Variants in SLC22A24 observed in about 807,000 individuals in gnomAD.
The protein encoded by SLC22A24 is steroid transmembrane transporter SLC22A24.
In SLC22A24, 53 loss-of-function variants were observed where a neutral mutation model predicts 49.8. That is an observed-to-expected ratio of 1.06 (90% CI 0.85 to 1.34). The LOEUF (loss-of-function observed/expected upper bound fraction) is 1.34. Ranked by LOEUF, SLC22A24 falls within the 40% of genes most tolerant of loss-of-function variation. The pLI is 0.00. For missense variants in SLC22A24, 786 were observed against 675.9 expected (o/e 1.16, Z -1.81); for synonymous variants, 302 against 256.4 (o/e 1.18, Z -1.70).
chr11:63,138,335 C>T (rs561975634), intron 1 of SLC22A24, among the ~76,000 whole-genome samples: 37 of 152,244 alleles, frequency 2.4e-4, no homozygotes, highest in Admixed American at 9.8e-4. Context: ...GTTAAAGCTT[C>T]GCAAGCTTGA....
chr11:63,142,456 G>A (rs762149814), intron 1 of SLC22A24, among the ~76,000 whole-genome samples: 12 of 152,196 alleles, frequency 7.9e-5, no homozygotes, highest in Non-Finnish European at 1.8e-4. Context: ...CCTGGGCATA[G>A]GCTGAACTAA....
At chr11:63,106,577 C>T (rs1473165922) in intron 4 of SLC22A24, among the ~76,000 whole-genome samples, 1 of 152,146 alleles carries the variant, frequency 6.6e-6, no homozygotes, top group Non-Finnish European at 1.5e-5. Context: ...TCTCCACATC[C>T]TCTCCAGCAC....
At chr11:63,135,696 A>C (rs1042408050) in intron 1 of SLC22A24, among the ~76,000 whole-genome samples, 1 of 152,172 alleles carries the variant, frequency 6.6e-6, no homozygotes, top group Non-Finnish European at 1.5e-5. Context: ...ATTTTTGACT[A>C]TGGAAATGAT....
chr11:63,134,505 T>C (rs866707786), intron 2 of SLC22A24, among the ~76,000 whole-genome samples, 160 bp downstream of exon 2: 5 of 152,188 alleles, frequency 3.3e-5, no homozygotes, highest in South Asian at 2.1e-4. Flanking sequence ...CTAATTCAAA[T>C]AAGCATTCTT....
intron 5 of SLC22A24, among the ~76,000 whole-genome samples, chr11:63,096,733 A>C (rs1289293917): frequency 6.6e-6 from 1 of 152,142 alleles, no homozygotes; most frequent in Non-Finnish European, 1.5e-5. Flanking sequence ...AAAGTTGGGG[A>C]TGTGTTGGTG....
intron 6 of SLC22A24, among the ~76,000 whole-genome samples, chr11:63,090,076 G>C (rs1183001487): frequency 2.2e-5 from 1 of 45,784 alleles, no homozygotes; most frequent in Non-Finnish European, 3.7e-5. Context: ...ACGAGACTCT[G>C]TCTCAAAAAA....
At chr11:63,138,458 C>T (rs755623477) in intron 1 of SLC22A24, among the ~76,000 whole-genome samples, 5 of 151,794 alleles carry the variant, frequency 3.3e-5, no homozygotes, top group South Asian at 2.1e-4. Flanking sequence ...CTGGCTAACA[C>T]GGTGAAACCC....
chr11:63,080,895 A>C (rs10897341), intron 9 of SLC22A24, 25 bp downstream of exon 9: 1,531,964 of 1,542,352 alleles, frequency 0.99, 761,066 homozygotes, highest in Non-Finnish European at 1. Flanking sequence ...TCCCCACTCA[A>C]GTGACAGCTA....
At position 63,081,384 on chromosome 11, in the gene SLC22A24, C is replaced by A. The variant is rs553862774; in HGVS notation, c.1394+174G>T. On this transcript the variant is annotated intron_variant, in intron 8 of 9. Transcript: ENST00000612278. ...CATTAATTAACCTGTAGCAATAACC[C>A]GCAGCTTTGATAATTTGATAATAAT... 1.3e-5 allele frequency among the ~76,000 whole-genome samples: 2 copies of A among 152,062 alleles called. 1 individual carries two copies. Among genetic ancestry groups the A allele is most frequent in the Non-Finnish European group, 2.9e-5 (2 of 68,014 alleles).
chr11:63,127,064 G>T (rs1326924622), intron 2 of SLC22A24, among the ~76,000 whole-genome samples: 5 of 152,002 alleles, frequency 3.3e-5, no homozygotes, highest in Admixed American at 3.3e-4. Flanking sequence ...GTGCCATATT[G>T]GTTTGCTGCA....
intron 1 of SLC22A24, among the ~76,000 whole-genome samples, chr11:63,142,313 T>G (rs545193042): frequency 1.3e-5 from 2 of 152,222 alleles, no homozygotes; most frequent in South Asian, 4.2e-4. Flanking sequence ...GCCTACATCT[T>G]AAGATTAAGG....
chr11:63,080,136 G>T (rs907140005), intron 9 of SLC22A24, 136 bp from the exon 10 acceptor site: 2 of 597,192 alleles, frequency 3.3e-6, no homozygotes, highest in African/African-American at 1.8e-5. Context: ...AGATTCTCTA[G>T]ATATTGATAC....
intron 6 of SLC22A24, among the ~76,000 whole-genome samples, chr11:63,095,755 T>C (rs2087050364): frequency 6.6e-6 from 1 of 152,242 alleles, no homozygotes; most frequent in African/African-American, 2.4e-5. Context: ...TATCCAGTGA[T>C]AAACTTTGTG....
intron 2 of SLC22A24, among the ~76,000 whole-genome samples, chr11:63,122,915 G>T (rs2087262216): frequency 6.6e-6 from 1 of 152,154 alleles, no homozygotes; most frequent in Non-Finnish European, 1.5e-5. Flanking sequence ...TCAGAATGGG[G>T]TGATTAGCAT....
In SLC22A24 at chr11:63,083,391, G is replaced by A; in HGVS notation, c.1137C>T (p.Ser379=). ...LNLQHLGSNV[S]LFQILCGAVT... is the part of the protein sequence containing the mutation. ...CAGCTCCACAGAGAATCTGGAACAGGGAGACATTGCTCCCTAAGTGCTGCA... is the reference window on the plus strand; with the variant it reads ...CAGCTCCACAGAGAATCTGGAACAGAGAGACATTGCTCCCTAAGTGCTGCA... Residue 379 remains serine (S), a synonymous_variant, in exon 7 of 10, where the codon TCC becomes TCT. Transcript: ENST00000612278. 1 of 1,551,676 alleles carries A rather than the reference G, an allele frequency of 6.4e-7. No homozygotes were observed. Among genetic ancestry groups the A allele is most frequent in the African/African-American group, 1.4e-5 (1 of 73,162 alleles).
chr11:63,087,018 G>A (rs1590727998), intron 6 of SLC22A24, among the ~76,000 whole-genome samples: 1 of 36,160 alleles, frequency 2.8e-5, no homozygotes. Flanking sequence ...TTTCTGCCTG[G>A]AGGGCGCACA....
chr11:63,108,480 T>A (rs2087137691), intron 4 of SLC22A24, among the ~76,000 whole-genome samples: 1 of 152,192 alleles, frequency 6.6e-6, no homozygotes, highest in Non-Finnish European at 1.5e-5. Flanking sequence ...TCTCTTTCTG[T>A]TTTTTATAAT....
chr11:63,085,645 T>C (rs1161925696), intron 6 of SLC22A24, among the ~76,000 whole-genome samples: 3 of 152,226 alleles, frequency 2.0e-5, no homozygotes, highest in Non-Finnish European at 4.4e-5. Flanking sequence ...AAATATTCTA[T>C]TTAAGTTCCT....
At chr11:63,135,398 C>T (rs1223008842) in intron 1 of SLC22A24, among the ~76,000 whole-genome samples, 4 of 152,184 alleles carry the variant, frequency 2.6e-5, no homozygotes, top group Non-Finnish European at 4.4e-5. Context: ...AAAACTGGGG[C>T]GACCTAGCAT....
Sources: allele counts gnomAD v4.1 joint callset (sites outside exome capture counted in the v4.1 genomes callset), GRCh38; gene constraint gnomAD v4.1.1; transcripts MANE v1.5; gene names NCBI Gene and HGNC (gene_info 2026-07-23, HGNC 2026-07-21).